Variants in TBC1D22A observed in about 807,000 individuals in gnomAD.
The protein encoded by TBC1D22A is TBC1 domain family member 22A, also known as putative GTPase activator.
Under a neutral mutation model 60.2 loss-of-function variants are expected in TBC1D22A, and 38 were observed. The observed-to-expected ratio is 0.63, with a 90% CI of 0.49 to 0.83. TBC1D22A has a LOEUF of 0.83. TBC1D22A is among the 40% of genes least tolerant of loss of function. TBC1D22A has a pLI of 0.00. For synonymous variants in TBC1D22A, 302 were observed against 281.7 expected (o/e 1.07, Z -0.72); for missense variants, 628 against 701.0 (o/e 0.90, Z 1.18).
chr22:46,846,524 TATC>T lies in TBC1D22A; in HGVS notation c.638-32124_638-32122del, dbSNP rs562627472. On this transcript the variant is annotated intron_variant, in intron 4 of 12. Coordinates refer to ENST00000337137, the MANE Select transcript of TBC1D22A (RefSeq NM_014346.5). ...TGGACGGAGTTTTCCCCAATGGGAA[TATC>T]ATCAATCATTGTCATCAGGCCTGGG... Among the ~76,000 whole-genome samples the T allele has an allele frequency of 2.9e-3, 446 of 152,290 alleles. 2 individuals carry two copies. The highest frequency in any genetic ancestry group is 5.2e-3 in the Non-Finnish European group (354 of 68,030).
intron 11 of TBC1D22A, among the ~76,000 whole-genome samples, chr22:47,050,467 C>T (rs1416960113): frequency 6.6e-6 from 1 of 152,172 alleles, no homozygotes; most frequent in African/African-American, 2.4e-5. Flanking sequence ...GCTGGCTGTG[C>T]TCTGTTTTTT....
chr22:46,795,564 T>C (rs1418989848), intron 3 of TBC1D22A, among the ~76,000 whole-genome samples: 1 of 152,254 alleles, frequency 6.6e-6, no homozygotes, highest in East Asian at 1.9e-4. Context: ...CCTCATTGCC[T>C]TGTGCTCCCA....
chr22:47,004,504 CACT>C (rs920620911), intron 10 of TBC1D22A, among the ~76,000 whole-genome samples: 1 of 150,688 alleles, frequency 6.6e-6, no homozygotes, highest in African/African-American at 2.4e-5. Context: ...TATACACACA[CACT>C]ACTTCACATA....
intron 11 of TBC1D22A, among the ~76,000 whole-genome samples, chr22:47,107,518 C>G (rs1392914829): frequency 2.0e-5 from 3 of 152,136 alleles, no homozygotes; most frequent in African/African-American, 7.2e-5. Flanking sequence ...TAGGGAAAAT[C>G]TAAAAACAGA....
Position 47,146,268 on chromosome 22 carries a change from C to A in TBC1D22A, c.1426-27230C>A, listed in dbSNP as rs144662077. 1.6e-4 allele frequency among the ~76,000 whole-genome samples: 24 copies of A among 152,322 alleles called. No homozygotes were observed. In the East Asian group the frequency reaches 4.4e-3, roughly 28 times the overall value. On this transcript the variant is annotated intron_variant, in intron 12 of 12. Transcript: ENST00000337137. ...CTCGTGCTGCTGGCTTGCCTGATAA[C>A]CTCCAAACCCGTTCACGCTAGTCCT... is the stretch of plus-strand genomic sequence containing the variant.
At chr22:46,919,739 T>TTTC (rs2070625737) in intron 8 of TBC1D22A, among the ~76,000 whole-genome samples, 1 of 151,826 alleles carries the variant, frequency 6.6e-6, no homozygotes, top group Non-Finnish European at 1.5e-5. Flanking sequence ...CTCTTTTTTT[T>TTTC]TTTTTTGTAG....
intron 11 of TBC1D22A, among the ~76,000 whole-genome samples, chr22:47,067,195 G>A (rs1195076904): frequency 1.3e-5 from 2 of 152,192 alleles, no homozygotes; most frequent in Non-Finnish European, 2.9e-5. Flanking sequence ...GAACCCGGGA[G>A]GTGGAGGTTG....
chr22:46,855,005 A>G (rs778912046), intron 4 of TBC1D22A, among the ~76,000 whole-genome samples: 1 of 152,222 alleles, frequency 6.6e-6, no homozygotes, highest in Non-Finnish European at 1.5e-5. Context: ...ATAGTTAATA[A>G]TAAGTAACAG....
chr22:47,094,554 A>C (rs150229286), intron 11 of TBC1D22A, among the ~76,000 whole-genome samples: 127 of 152,348 alleles, frequency 8.3e-4, no homozygotes, highest in African/African-American at 2.8e-3. Flanking sequence ...GCATGAGCCA[A>C]GTCCCTAAGA....
chr22:46,988,571 A>G (rs1420644830), intron 9 of TBC1D22A, among the ~76,000 whole-genome samples: 1 of 152,216 alleles, frequency 6.6e-6, no homozygotes, highest in Non-Finnish European at 1.5e-5. Context: ...CTCTTGGGGG[A>G]CCAGGTGCAT....
At chr22:47,023,497 A>G (rs973245189) in intron 10 of TBC1D22A, among the ~76,000 whole-genome samples, 1 of 152,254 alleles carries the variant, frequency 6.6e-6, no homozygotes, top group African/African-American at 2.4e-5. Context: ...GAGAATGTGA[A>G]TGAATGCCAA....
At chr22:46,766,848 T>G (rs2083304761) in intron 1 of TBC1D22A, among the ~76,000 whole-genome samples, 1 of 152,180 alleles carries the variant, frequency 6.6e-6, no homozygotes, top group Non-Finnish European at 1.5e-5. Context: ...CACCTCCTGT[T>G]TTTATGCAGC....
At chr22:47,168,719 C>T (rs1181565096) in intron 12 of TBC1D22A, among the ~76,000 whole-genome samples, 1 of 132,694 alleles carries the variant, frequency 7.5e-6, no homozygotes, top group Non-Finnish European at 1.6e-5. Flanking sequence ...GCCTGGGGCC[C>T]TAGGACACGG....
intron 4 of TBC1D22A, among the ~76,000 whole-genome samples, chr22:46,815,041 A>G (rs2147060848): frequency 6.6e-6 from 1 of 152,336 alleles, no homozygotes; most frequent in South Asian, 2.1e-4. Context: ...ATAGTTATCA[A>G]AATACATTCA....
chr22:46,778,895 T>C (rs1178603301), intron 1 of TBC1D22A, among the ~76,000 whole-genome samples: 1 of 151,962 alleles, frequency 6.6e-6, no homozygotes, highest in African/African-American at 2.4e-5. Flanking sequence ...AGTACAAAAA[T>C]TAGCCGGGCG....
At chr22:47,156,695 C>T (rs571235917) in intron 12 of TBC1D22A, among the ~76,000 whole-genome samples, 11 of 152,284 alleles carry the variant, frequency 7.2e-5, no homozygotes, top group Non-Finnish European at 1.3e-4. Context: ...TCTACCCTCA[C>T]AGCACAGTCT....
chr22:47,058,097 A>G (rs73471663), intron 11 of TBC1D22A, among the ~76,000 whole-genome samples: 1 of 152,138 alleles, frequency 6.6e-6, no homozygotes, highest in South Asian at 2.1e-4. Flanking sequence ...TGCCCAGCAG[A>G]TCTGAGCTCC....
At chr22:47,017,684 G>A (rs1237635361) in intron 10 of TBC1D22A, among the ~76,000 whole-genome samples, 1 of 152,192 alleles carries the variant, frequency 6.6e-6, no homozygotes, top group Non-Finnish European at 1.5e-5. Context: ...GTTACGAGAA[G>A]TGAGAATTTT....
chr22:46,950,871 T>G (rs2072860727), intron 8 of TBC1D22A, among the ~76,000 whole-genome samples: 1 of 152,228 alleles, frequency 6.6e-6, no homozygotes, highest in Non-Finnish European at 1.5e-5. Context: ...TTCTCCAGTT[T>G]ACCAGTGTAG....
Sources: allele counts gnomAD v4.1 joint callset (sites outside exome capture counted in the v4.1 genomes callset), GRCh38; gene constraint gnomAD v4.1.1; transcripts MANE v1.5; gene names NCBI Gene and HGNC (gene_info 2026-07-23, HGNC 2026-07-21).